ADGRG6: variants seen among roughly 807,000 people sequenced by gnomAD.
ADGRG6 encodes the protein adhesion G protein-coupled receptor G6, also known as G-protein coupled receptor 126.
A neutral mutation model predicts 142.4 loss-of-function variants in ADGRG6; 84 were observed. That is an observed-to-expected ratio of 0.59 (90% CI 0.49 to 0.71). The LOEUF is 0.71. ADGRG6 is among the 30% of genes least tolerant of loss of function. ADGRG6 has a pLI of 0.00. For synonymous variants in ADGRG6, 521 were observed against 520.5 expected, an observed-to-expected ratio of 1.00 and a Z score of -0.01; for missense variants, 1,367 against 1,466.6, an observed-to-expected ratio of 0.93 and a Z score of 1.11.
At chr6:142,414,665 C>G (rs886147213) in intron 18 of ADGRG6, among the ~76,000 whole-genome samples, 5 of 152,164 alleles carry the variant, frequency 3.3e-5, no homozygotes, top group African/African-American at 1.2e-4. Flanking sequence ...GTCTCCTCTC[C>G]AATTTCTGTT....
intron 6 of ADGRG6, among the ~76,000 whole-genome samples, chr6:142,386,102 A>G (rs1340568983): frequency 1.3e-5 from 2 of 152,188 alleles, no homozygotes; most frequent in Non-Finnish European, 2.9e-5. Context: ...AGATATATTT[A>G]TCATAGTATA....
chr6:142,311,900 T>C (rs1398362811), intron 2 of ADGRG6, among the ~76,000 whole-genome samples: 1 of 152,006 alleles, frequency 6.6e-6, no homozygotes, highest in Non-Finnish European at 1.5e-5. Context: ...TTAAAATTCC[T>C]CCTTCTATCC....
intron 22 of ADGRG6, 98 bp downstream of exon 22, chr6:142,420,202 C>A: frequency 3.2e-6 from 3 of 928,156 alleles, no homozygotes; most frequent in South Asian, 3.2e-5. Context: ...GTTTCTGTGT[C>A]ACTATTTCAA....
rs1049196288 is a variant in ADGRG6 at position 142,400,339 on chromosome 6, T to C, written c.1568-146T>C. ...ACTTCTAATTTTTTTTTTTACAAAT[T>C]CTGAAGATAAACACTAATATTTTGG... On this transcript the variant is annotated intron_variant, in intron 10 of 24. Transcript: ENST00000367609. The C allele has an allele frequency of 5.5e-6, 3 of 546,416 alleles. 1 individual carries two copies. In the African/African-American group the frequency reaches 5.7e-5, roughly 10 times the overall value. 33.8% of individuals were successfully genotyped at this position (546,416 alleles called of 1,614,324 possible).
At chr6:142,331,782 G>A (rs1779076515) in intron 2 of ADGRG6, among the ~76,000 whole-genome samples, 1 of 152,010 alleles carries the variant, frequency 6.6e-6, no homozygotes, top group African/African-American at 2.4e-5. Context: ...ACGTGTCACT[G>A]CTTGCTAGCA....
rs1397182067 is a variant in ADGRG6 at position 142,400,461 on chromosome 6, A to T, written c.1568-24A>T. The T allele has an allele frequency of 6.3e-6, 7 of 1,105,396 alleles. No homozygotes were observed. In the Admixed American group the frequency reaches 1.0e-4, roughly 16 times the overall value. The allele number at this position is 1,105,396 out of a possible 1,614,324, so 68.5% of individuals were successfully genotyped here. On this transcript the variant is annotated intron_variant, in intron 10 of 24. Coordinates refer to ENST00000367609, the MANE Select transcript of ADGRG6 (RefSeq NM_198569.3). ...TTTAAAAAATAGGTGAATATTTCTC[A>T]TGCTGGTTCTTATGTTCATATAGGT...
At chr6:142,302,753 G>A (rs767857180) in intron 1 of ADGRG6, 1 of 199,056 alleles carries the variant, frequency 5.0e-6, no homozygotes, top group Non-Finnish European at 1.0e-5. Flanking sequence ...CTAGTATGCC[G>A]AGAAAATGTT....
At chr6:142,320,562 T>G (rs1778462863) in intron 2 of ADGRG6, among the ~76,000 whole-genome samples, 1 of 152,098 alleles carries the variant, frequency 6.6e-6, no homozygotes, top group Non-Finnish European at 1.5e-5. Context: ...TACTGAGGCT[T>G]TGTTCCTTGT....
At chr6:142,373,452 T>G (rs1781350134) in intron 4 of ADGRG6, among the ~76,000 whole-genome samples, 1 of 152,196 alleles carries the variant, frequency 6.6e-6, no homozygotes, top group African/African-American at 2.4e-5. Flanking sequence ...TATGATTCAG[T>G]TTTACAGGGA....
intron 9 of ADGRG6, among the ~76,000 whole-genome samples, chr6:142,394,663 C>G (rs117229663): frequency 6.6e-6 from 1 of 150,552 alleles, no homozygotes; most frequent in Admixed American, 6.6e-5. Context: ...CTCACTGCAG[C>G]CTTGAACTCC....
intron 10 of ADGRG6, among the ~76,000 whole-genome samples, chr6:142,399,387 C>T (rs1053017962): frequency 4.6e-5 from 7 of 152,122 alleles, no homozygotes; most frequent in African/African-American, 1.7e-4. Flanking sequence ...TTCTGAGTCT[C>T]TATGGGAAAA....
Position 142,367,804 on chromosome 6 carries a change from A to C in ADGRG6, c.339A>C (p.Ala113=). 1.9e-6 allele frequency: 3 copies of C among 1,613,788 alleles called. No individual in the cohort carries two copies. Among genetic ancestry groups the C allele is most frequent in the Non-Finnish European group, 2.5e-6 (3 of 1,179,664 alleles). The change falls in exon 3 of 25, where the codon GCA becomes GCC. Residue 113 remains alanine (A), a synonymous_variant. Coordinates refer to ENST00000367609, the MANE Select transcript of ADGRG6 (RefSeq NM_198569.3). ...AGAGCCAGACTAAATTTTGTGGAGC[A>C]ACTGCCAAAGGCCTATCATTTAACT... ...NGESQTKFCG[A]TAKGLSFNSS... is the part of the protein sequence containing the mutation.
chr6:142,358,879 C>T (rs1037997624), intron 2 of ADGRG6, among the ~76,000 whole-genome samples: 10 of 151,324 alleles, frequency 6.6e-5, no homozygotes, highest in South Asian at 2.1e-4. Flanking sequence ...GCCTGGGCGA[C>T]GGAGTGAGAC....
intron 22 of ADGRG6, among the ~76,000 whole-genome samples, chr6:142,427,871 C>A (rs922835359): frequency 6.6e-6 from 1 of 152,120 alleles, no homozygotes; most frequent in Non-Finnish European, 1.5e-5. Context: ...TTCACTATCA[C>A]GAGAACAGCC....
intron 2 of ADGRG6, among the ~76,000 whole-genome samples, chr6:142,319,396 G>A (rs1019896763): frequency 6.6e-6 from 1 of 152,122 alleles, no homozygotes; most frequent in African/African-American, 2.4e-5. Flanking sequence ...CTTTTTTATA[G>A]GAAGTCTGGC....
chr6:142,402,680 C>T lies in ADGRG6; in HGVS notation c.1805C>T (p.Thr602Ile), dbSNP rs1261939301. The change falls in exon 13 of 25, where the codon ACC becomes ATC. Residue 602 changes from threonine to isoleucine, a missense_variant. Thr to Ile is a moderately conservative substitution (Grantham distance 89). Around this residue, in one of 3 missense-constraint regions of ADGRG6, gnomAD observed 737 missense variants for 746.5 expected, o/e 0.99. Coordinates refer to ENST00000367609, the MANE Select transcript of ADGRG6 (RefSeq NM_198569.3). ...LNLTADGQNL[T>I]SANITNIVEQ... Reference sequence around the variant, plus strand: ...TTAACTGCTGATGGGCAGAACTTAACCTCAGCCAATATTACCAACATTGTG... The same window carrying T: ...TTAACTGCTGATGGGCAGAACTTAATCTCAGCCAATATTACCAACATTGTG... 6.2e-7 allele frequency: 1 copy of T among 1,609,320 alleles called. No homozygotes were observed. The highest frequency in any genetic ancestry group is 8.5e-7 in the Non-Finnish European group (1 of 1,176,702).
rs770046987 is a variant in ADGRG6, at chr6:142,302,335, A to T, written c.2+4A>T. 1.2e-6 allele frequency: 2 copies of T among 1,612,776 alleles called. No individual in the cohort carries two copies. The highest frequency in any genetic ancestry group is 1.7e-6 in the Non-Finnish European group (2 of 1,179,360). On this transcript the variant is annotated splice_donor_region_variant and intron_variant, in intron 1 of 24. Transcript: ENST00000367609. Reference sequence around the variant, plus strand: ...CTCGGCGCAGTAATGTCAACATGTAAGTCTCACCTTTCAGCTTGGAATTCC... The same window carrying T: ...CTCGGCGCAGTAATGTCAACATGTATGTCTCACCTTTCAGCTTGGAATTCC...
At chr6:142,363,233 G>A (rs1780801085) in intron 2 of ADGRG6, among the ~76,000 whole-genome samples, 1 of 151,778 alleles carries the variant, frequency 6.6e-6, no homozygotes, top group African/African-American at 2.4e-5. Flanking sequence ...TTATCTCTTG[G>A]GATCTAAAAT....
chr6:142,387,750 GGAGA>G (rs1782103521), intron 6 of ADGRG6, among the ~76,000 whole-genome samples: 1 of 152,122 alleles, frequency 6.6e-6, no homozygotes, highest in Admixed American at 6.5e-5. Flanking sequence ...AAGATTAATT[GGAGA>G]GAGACCTACA....
Sources: gnomAD v4.1 joint callset for allele counts (sites outside exome capture counted in the v4.1 genomes callset) on GRCh38, gnomAD v4.1.1 for gene constraint, gnomAD v4.1.1 regional missense constraint, MANE v1.5 for transcripts, NCBI Gene and HGNC (gene_info 2026-07-23, HGNC 2026-07-21) for gene names.